LARGE1: variants seen among roughly 807,000 people sequenced by gnomAD.
The protein encoded by LARGE1 is LARGE xylosyl- and glucuronyltransferase 1.
A neutral mutation model predicts 87.6 loss-of-function variants in LARGE1; 43 were observed. That is an observed-to-expected ratio of 0.49 (90% confidence interval 0.38 to 0.63). The LOEUF (loss-of-function observed/expected upper bound fraction) is 0.63, where lower values mean the gene tolerates loss of function less well. Ranked by LOEUF, LARGE1 falls within the 30% of genes least tolerant of loss-of-function variation. The pLI is 0.00. For missense variants in LARGE1, 802 were observed against 1,000.2 expected (o/e 0.80, Z 2.67); for synonymous variants, 434 against 394.6 (o/e 1.10, Z -1.18).
intron 3 of LARGE1, among the ~76,000 whole-genome samples, chr22:33,648,915 C>T (rs1178823662): frequency 6.6e-6 from 1 of 152,112 alleles, no homozygotes; most frequent in African/African-American, 2.4e-5. Context: ...GAATGAGATA[C>T]AAAACACGAG....
At chr22:33,275,776 A>C (rs73399519) in intron 14 of LARGE1, among the ~76,000 whole-genome samples, 2,740 of 152,348 alleles carry the variant, frequency 0.018, 85 homozygotes, top group African/African-American at 0.063. Context: ...AAACAAACAA[A>C]GCCCAGGTCT....
intron 11 of LARGE1, among the ~76,000 whole-genome samples, chr22:33,183,624 A>ACGCG (rs1381076248): frequency 3.9e-5 from 4 of 102,406 alleles, no homozygotes; most frequent in African/African-American, 1.2e-4. Context: ...ACACACGCAC[A>ACGCG]CACACACACA....
chr22:33,503,259 GT>G (rs796717166), intron 6 of LARGE1, among the ~76,000 whole-genome samples: 31 of 124,768 alleles, frequency 2.5e-4, no homozygotes, highest in East Asian at 9.7e-4. Flanking sequence ...TTTTTTTTTT[GT>G]TTTTTTTTTT....
At chr22:33,318,655 A>G (rs1321828923) in intron 10 of LARGE1, among the ~76,000 whole-genome samples, 1 of 152,118 alleles carries the variant, frequency 6.6e-6, no homozygotes, top group Admixed American at 6.6e-5. Context: ...TTAAATGATG[A>G]GTTAATGGGT....
chr22:33,883,400 C>T (rs970189005), intron 1 of LARGE1, among the ~76,000 whole-genome samples: 1 of 152,196 alleles, frequency 6.6e-6, no homozygotes, highest in Non-Finnish European at 1.5e-5. Flanking sequence ...CCTTCCAGTA[C>T]TGCTCCCTGG....
At chr22:33,893,677 T>A (rs2065061384) in intron 1 of LARGE1, among the ~76,000 whole-genome samples, 1 of 152,206 alleles carries the variant, frequency 6.6e-6, no homozygotes, top group Non-Finnish European at 1.5e-5. Context: ...ATCATTAACT[T>A]AAGTGGTACA....
chr22:33,298,502 C>A (rs1933671371), intron 12 of LARGE1, among the ~76,000 whole-genome samples: 1 of 152,170 alleles, frequency 6.6e-6, no homozygotes, highest in Non-Finnish European at 1.5e-5. Flanking sequence ...GTGCCTTTCC[C>A]AAGGTCAAAT....
chr22:33,491,746 G>A (rs2069851168), intron 6 of LARGE1, among the ~76,000 whole-genome samples: 1 of 152,080 alleles, frequency 6.6e-6, no homozygotes, highest in Admixed American at 6.5e-5. Flanking sequence ...TAAAAGCTTT[G>A]GAATAATATG....
chr22:33,242,632 G>A (rs958711557), intron 11 of LARGE1, among the ~76,000 whole-genome samples: 4 of 152,034 alleles, frequency 2.6e-5, no homozygotes, highest in African/African-American at 7.2e-5. Flanking sequence ...TTCTCACAGG[G>A]TCTTGAGGGT....
chr22:33,410,003 A>G (rs1271677979), intron 7 of LARGE1, among the ~76,000 whole-genome samples: 2 of 152,132 alleles, frequency 1.3e-5, no homozygotes. Context: ...TGGCTACATT[A>G]CAAATGGTGT....
chr22:33,410,994 G>T (rs1315395311), intron 7 of LARGE1, among the ~76,000 whole-genome samples: 1 of 152,178 alleles, frequency 6.6e-6, no homozygotes, highest in African/African-American at 2.4e-5. Context: ...CTGAATGATG[G>T]CCAGATTATT....
At chr22:33,186,318 T>C (rs1371838633) in intron 11 of LARGE1, among the ~76,000 whole-genome samples, 1 of 152,092 alleles carries the variant, frequency 6.6e-6, no homozygotes, top group Non-Finnish European at 1.5e-5. Context: ...AGGTGATAAA[T>C]CATAACAAGG....
At chr22:33,275,605 G>A (rs1207253897) in intron 14 of LARGE1, among the ~76,000 whole-genome samples, 1 of 152,116 alleles carries the variant, frequency 6.6e-6, no homozygotes. Context: ...CCCACCAACC[G>A]CACTAGCCCC....
intron 6 of LARGE1, among the ~76,000 whole-genome samples, chr22:33,512,528 C>T (rs991194121): frequency 1.3e-5 from 2 of 152,168 alleles, no homozygotes; most frequent in Admixed American, 6.5e-5. Flanking sequence ...GTGGGCCAGG[C>T]GCAGTGGCTC....
At chr22:33,821,864 G>C (rs189066772) in intron 1 of LARGE1, among the ~76,000 whole-genome samples, 163 of 151,140 alleles carry the variant, frequency 1.1e-3, no homozygotes, top group African/African-American at 3.8e-3. Flanking sequence ...GCCTGCCCAA[G>C]TGCATTAAAA....
At chr22:33,544,202 C>G (rs1040856172) in intron 6 of LARGE1, among the ~76,000 whole-genome samples, 28 of 152,150 alleles carry the variant, frequency 1.8e-4, no homozygotes, top group African/African-American at 5.3e-4. Flanking sequence ...GAGCCTTTTT[C>G]CTTTGTGGAT....
intron 1 of LARGE1, among the ~76,000 whole-genome samples, chr22:33,872,355 CTATCTATTAT>C (rs1399021383): frequency 5.3e-4 from 71 of 133,846 alleles, no homozygotes; most frequent in African/African-American, 2.0e-3. Context: ...GCAGTAAATG[CTATCTATTAT>C]TATTATTATT....
the LARGE1 span, among the ~76,000 whole-genome samples, chr22:33,073,749 C>T: frequency 6.6e-6 from 1 of 152,058 alleles, no homozygotes; most frequent in Non-Finnish European, 1.5e-5. Context: ...TGATTGCTAA[C>T]CAAGTAAAAA....
intron 1 of LARGE1, among the ~76,000 whole-genome samples, chr22:33,776,624 G>A (rs754749487): frequency 1.3e-5 from 2 of 152,134 alleles, no homozygotes; most frequent in African/African-American, 2.4e-5. Context: ...GGAAACGGAC[G>A]ACGTAAGCAG....
Sources: allele counts gnomAD v4.1 joint callset (sites outside exome capture counted in the v4.1 genomes callset), GRCh38; gene constraint gnomAD v4.1.1; transcripts MANE v1.5; gene names NCBI Gene and HGNC (gene_info 2026-07-23, HGNC 2026-07-21).